MAPK10: variants seen among roughly 807,000 people sequenced by gnomAD.
MAPK10 encodes JNK3 alpha protein kinase.
Under a neutral mutation model 59.3 loss-of-function variants are expected in MAPK10, and 25 were observed. The ratio of observed to expected loss-of-function variants is 0.42; its 90% confidence interval spans 0.31 to 0.59. MAPK10 has a LOEUF of 0.59. MAPK10 is among the 20% of genes least tolerant of loss of function. The probability of loss-of-function intolerance (pLI) is 0.15; values close to 1 mark genes in which losing one functional copy is unlikely to be tolerated. For missense variants in MAPK10, 351 were observed against 568.9 expected, an observed-to-expected ratio of 0.62 and a Z score of 3.90; for synonymous variants, 190 against 200.5, an observed-to-expected ratio of 0.95 and a Z score of 0.44.
chr4:86,094,258 T>C (rs1401716756), intron 9 of MAPK10, among the ~76,000 whole-genome samples: 2 of 152,012 alleles, frequency 1.3e-5, no homozygotes, highest in Non-Finnish European at 2.9e-5. Context: ...TCTTCAAATA[T>C]ACTTTTGGAA....
At chr4:86,226,209 A>G (rs2090582166) in intron 2 of MAPK10, among the ~76,000 whole-genome samples, 1 of 152,234 alleles carries the variant, frequency 6.6e-6, no homozygotes, top group African/African-American at 2.4e-5. Flanking sequence ...TTTATAGAAC[A>G]TAAATCTAAG....
rs3775174 is a variant in MAPK10, at chr4:86,035,029, A to C, written c.1111-3598T>G. ...ATGTCGTCAGAAGTGACAAGATATA[A>C]GAGCTGTACTTAGAGAAGCAGAAGG... On this transcript the variant is annotated intron_variant, in intron 11 of 13. Transcript: ENST00000641462. Among the ~76,000 whole-genome samples the C allele has an allele frequency of 1.2e-4, 19 of 152,292 alleles. 1 individual carries two copies. In the East Asian group the frequency reaches 3.7e-3, roughly 29 times the overall value.
Position 86,101,399 on chromosome 4 carries a change from T to C in MAPK10, c.565-182A>G, listed in dbSNP as rs560093188. 527 of 527,740 alleles carry C rather than the reference T, an allele frequency of 1.0e-3. 1 individual carries two copies. Among genetic ancestry groups the C allele is most frequent in the African/African-American group, 9.0e-3 (479 of 53,100 alleles). 32.7% of individuals were successfully genotyped at this position (527,740 alleles called of 1,614,324 possible). A position where few individuals can be genotyped will look rare whatever the true frequency, so the allele number is the denominator to read the frequency against. On this transcript the variant is annotated intron_variant, in intron 7 of 13. Transcript: ENST00000641462. ...TTAACTATTAGTTTTTGGAAAGTGT[T>C]TTAATCCCAGAAAAGAATTGTATTA...
chr4:86,101,544 G>C (rs2055395183), intron 7 of MAPK10: 2 of 373,690 alleles, frequency 5.4e-6, no homozygotes, highest in Non-Finnish European at 4.9e-6. Context: ...TCATTTCTAG[G>C]CCTGACAGAA....
At chr4:86,297,244 G>A (rs750016784) in intron 2 of MAPK10, among the ~76,000 whole-genome samples, 83 of 152,092 alleles carry the variant, frequency 5.5e-4, no homozygotes, top group Non-Finnish European at 9.7e-4. Flanking sequence ...TTGTCAATCC[G>A]TTGGTTTTAT....
chr4:86,119,906 A>G (rs2058958932), intron 4 of MAPK10: 1 of 152,246 alleles, frequency 6.6e-6, no homozygotes, highest in Non-Finnish European at 1.5e-5. Flanking sequence ...ACCTCTTCAG[A>G]ACTCCCAATA....
At chr4:86,199,372 A>C (rs1235807949) in intron 2 of MAPK10, among the ~76,000 whole-genome samples, 1 of 152,104 alleles carries the variant, frequency 6.6e-6, no homozygotes, top group Non-Finnish European at 1.5e-5. Context: ...AAATAGTTGA[A>C]TAGTGAAACA....
chr4:86,231,762 T>C (rs1299932032), intron 2 of MAPK10, among the ~76,000 whole-genome samples: 1 of 152,220 alleles, frequency 6.6e-6, no homozygotes, highest in Non-Finnish European at 1.5e-5. Context: ...TCTTTAATGT[T>C]GCAAAAATAT....
intron 1 of MAPK10, among the ~76,000 whole-genome samples, chr4:86,464,639 G>A (rs1752032353): frequency 6.6e-6 from 1 of 152,038 alleles, no homozygotes; most frequent in Non-Finnish European, 1.5e-5. Context: ...GGCTAACACG[G>A]CGAAACCCCG....
chr4:86,160,337 C>T (rs770665172), intron 3 of MAPK10: 6 of 151,976 alleles, frequency 3.9e-5, no homozygotes, highest in Non-Finnish European at 8.8e-5. Flanking sequence ...CACAGAATAT[C>T]ATCTAGCCCA....
chr4:86,123,892 T>C (rs1370361287), intron 4 of MAPK10: 1 of 152,040 alleles, frequency 6.6e-6, no homozygotes, highest in Non-Finnish European at 1.5e-5. Context: ...AATAATTTTA[T>C]AAACATTTAA....
At chr4:86,496,803 A>C (rs1754904695) in intron 1 of MAPK10, among the ~76,000 whole-genome samples, 1 of 151,884 alleles carries the variant, frequency 6.6e-6, no homozygotes, top group Non-Finnish European at 1.5e-5. Flanking sequence ...TTCCCCCCCC[A>C]CCCAACAAAA....
At chr4:86,467,559 C>T (rs1752313601) in intron 1 of MAPK10, among the ~76,000 whole-genome samples, 1 of 152,110 alleles carries the variant, frequency 6.6e-6, no homozygotes, top group Non-Finnish European at 1.5e-5. Context: ...TTCGCTCTGT[C>T]ACCAGGCTGG....
At chr4:86,262,987 G>C (rs1363971405) in intron 2 of MAPK10, among the ~76,000 whole-genome samples, 3 of 152,172 alleles carry the variant, frequency 2.0e-5, no homozygotes, top group Non-Finnish European at 2.9e-5. Context: ...TGGACAGTAG[G>C]ACAGGAGATG....
intron 1 of MAPK10, among the ~76,000 whole-genome samples, chr4:86,401,870 A>G (rs1357641613): frequency 1.3e-5 from 2 of 152,216 alleles, no homozygotes; most frequent in Non-Finnish European, 2.9e-5. Context: ...CTGAAGGTCC[A>G]TAACCCTAGT....
In MAPK10 at chr4:86,014,304, G is replaced by T. The variant is rs373409993; in HGVS notation, c.*2924C>A. 5.3e-4 allele frequency: 14 copies of T among 26,276 alleles called. No individual in the cohort carries two copies. Among genetic ancestry groups the T allele is most frequent in the African/African-American group, 3.1e-3 (12 of 3,810 alleles). The allele number at this position is 26,276 out of a possible 1,614,324, so 1.6% of individuals were successfully genotyped here. On this transcript the variant is annotated 3_prime_UTR_variant, in exon 14 of 14. Coordinates refer to ENST00000641462, the MANE Select transcript of MAPK10 (RefSeq NM_138982.4). The stretch of plus-strand genomic sequence containing the variant: ...GGTGACTATTTAAGAAATATTTGGG[G>T]TGTGTGTGTGTGTGTGTGTGTGTGT...
intron 3 of MAPK10, among the ~76,000 whole-genome samples, chr4:86,187,513 A>G (rs2078539875): frequency 6.6e-6 from 1 of 152,106 alleles, no homozygotes; most frequent in African/African-American, 2.4e-5. Flanking sequence ...TATTTTGAGG[A>G]CCACAGTTAA....
intron 2 of MAPK10, among the ~76,000 whole-genome samples, chr4:86,313,812 A>T (rs2095718311): frequency 1.3e-5 from 2 of 152,122 alleles, no homozygotes; most frequent in Admixed American, 1.3e-4. Flanking sequence ...TATCTTCCAA[A>T]CCTAAACATA....
At chr4:86,112,404 G>A (rs1457474784) in intron 4 of MAPK10, among the ~76,000 whole-genome samples, 2 of 152,116 alleles carry the variant, frequency 1.3e-5, no homozygotes, top group East Asian at 3.9e-4. Flanking sequence ...AGAGGTTCTG[G>A]TATGTTGTCT....
Sources: allele counts gnomAD v4.1 joint callset (sites outside exome capture counted in the v4.1 genomes callset), GRCh38; gene constraint gnomAD v4.1.1; transcripts MANE v1.5; gene names NCBI Gene and HGNC (gene_info 2026-07-23, HGNC 2026-07-21).